SETD2: variants seen among roughly 807,000 people sequenced by gnomAD.
SETD2 encodes SET domain containing 2, histone lysine methyltransferase, also known as histone-lysine N-methyltransferase SETD2.
A neutral mutation model predicts 242.1 loss-of-function variants in SETD2; 31 were observed. The observed-to-expected ratio is 0.13, with a 90% CI of 0.10 to 0.17. The LOEUF is 0.17. SETD2 is among the 10% of genes least tolerant of loss of function. SETD2 has a pLI of 1.00. For synonymous variants in SETD2, 1,006 were observed against 1,066.5 expected (o/e 0.94, Z 1.11); for missense variants, 2,481 against 3,046.3 (o/e 0.81, Z 4.37).
At chr3:47,147,608 C>G (rs1290493311) in intron 1 of SETD2, among the ~76,000 whole-genome samples, 3 of 151,650 alleles carry the variant, frequency 2.0e-5, no homozygotes, top group Non-Finnish European at 2.9e-5. Flanking sequence ...GCCACTGTGC[C>G]CAGCCAGCAT....
intron 14 of SETD2, among the ~76,000 whole-genome samples, chr3:47,061,372 C>T (rs2040324435): frequency 6.6e-6 from 1 of 152,114 alleles, no homozygotes; most frequent in African/African-American, 2.4e-5. Context: ...TAAACCAACT[C>T]AACTTCAACA....
chr3:47,050,625 T>C (rs2039782763), intron 15 of SETD2, among the ~76,000 whole-genome samples: 1 of 150,720 alleles, frequency 6.6e-6, no homozygotes, highest in African/African-American at 2.4e-5. Flanking sequence ...ATATATAACG[T>C]AAATATTCCC....
intron 3 of SETD2, among the ~76,000 whole-genome samples, chr3:47,117,275 A>C (rs143448786): frequency 6.9e-4 from 96 of 139,222 alleles, no homozygotes; most frequent in Admixed American, 1.2e-3. Context: ...AAAAAAAAAA[A>C]AAAAACAAAC....
intron 17 of SETD2, chr3:47,041,307 T>C (rs2039266274): frequency 2.5e-6 from 1 of 404,924 alleles, no homozygotes; most frequent in Admixed American, 3.1e-5. Context: ...AAGTGGCCTG[T>C]GGGCATAGTT....
At chr3:47,049,882 GTATATAT>G (rs1468585221) in intron 15 of SETD2, among the ~76,000 whole-genome samples, 7 of 128,504 alleles carry the variant, frequency 5.4e-5, no homozygotes, top group Non-Finnish European at 1.1e-4. Flanking sequence ...TGAGTTTATA[GTATATAT>G]TATATATATA....
intron 1 of SETD2, among the ~76,000 whole-genome samples, chr3:47,159,909 A>C (rs1697438563): frequency 6.6e-6 from 1 of 150,920 alleles, no homozygotes; most frequent in South Asian, 2.1e-4. Context: ...CAGGGGGCAG[A>C]GGTTGCAGTG....
chr3:47,046,496 G>C lies in SETD2; in HGVS notation c.7089C>G (p.Pro2363=), dbSNP rs773181646. The C allele has an allele frequency of 1.9e-6, 3 of 1,597,820 alleles. No individual in the cohort carries two copies. Among genetic ancestry groups the C allele is most frequent in the Middle Eastern group, 3.3e-4 (2 of 6,004 alleles). The change falls in exon 16 of 21, where the codon CCC becomes CCG. Residue 2363 remains proline (P), a synonymous_variant. Coordinates refer to ENST00000409792, the MANE Select transcript of SETD2 (RefSeq NM_014159.7). ...TTIVAPGQPQ[P]LQPSEMVVTN... ...CTGAAACATTTCTTACTGGCTGCAA[G>C]GGCTGAGGCTGCCCTGGTGCAACTA...
chr3:47,077,766 G>A (rs1228702284), intron 12 of SETD2, among the ~76,000 whole-genome samples: 1 of 152,158 alleles, frequency 6.6e-6, no homozygotes, highest in African/African-American at 2.4e-5. Flanking sequence ...GGAAGGGACA[G>A]TACAAGATGA....
intron 17 of SETD2, among the ~76,000 whole-genome samples, chr3:47,038,080 A>T (rs1419632272): frequency 6.6e-6 from 1 of 152,192 alleles, no homozygotes; most frequent in Non-Finnish European, 1.5e-5. Context: ...TGTCATGCAA[A>T]TAAGACTGGG....
At chr3:47,106,143 TA>T in intron 5 of SETD2, 23 bp from the exon 6 acceptor site, 3 of 1,604,418 alleles carry the variant, frequency 1.9e-6, no homozygotes, top group Non-Finnish European at 2.6e-6. Context: ...AGGAAAAAAA[TA>T]GCACTTCCTA....
rs2038020958 is a variant in SETD2, at chr3:47,017,271, A to G, written c.7534-17T>C. The G allele has an allele frequency of 6.2e-7, 1 of 1,613,480 alleles. No individual in the cohort carries two copies. Among genetic ancestry groups the G allele is most frequent in the Non-Finnish European group, 8.5e-7 (1 of 1,179,582 alleles). ...GTGAGTCAGCTGTCCAGGGCACAGG[A>G]AGAGAGACCACAGCCACCAATCAGA... On this transcript the variant is annotated splice_polypyrimidine_tract_variant and intron_variant, in intron 20 of 20. Coordinates refer to ENST00000409792, the MANE Select transcript of SETD2 (RefSeq NM_014159.7). This position sits in a 1 kb window ranked among gnomAD's most constrained non-coding sequence, Gnocchi z 4.8.
chr3:47,023,876 T>C (rs2038351276), intron 18 of SETD2, among the ~76,000 whole-genome samples: 1 of 152,180 alleles, frequency 6.6e-6, no homozygotes, highest in Non-Finnish European at 1.5e-5. Context: ...GCATCCATGA[T>C]AGGGTGTCTT....
At chr3:47,080,749 G>C in intron 12 of SETD2, 1 of 971,178 alleles carries the variant, frequency 1.0e-6, no homozygotes, top group Non-Finnish European at 1.2e-6. Context: ...TGTAAGCCTT[G>C]TGGAGTCAAG....
At chr3:47,077,848 A>G (rs2041158734) in intron 12 of SETD2, among the ~76,000 whole-genome samples, 1 of 152,224 alleles carries the variant, frequency 6.6e-6, no homozygotes, top group South Asian at 2.1e-4. Flanking sequence ...CACAAAAGCC[A>G]ACATGAAAGG....
intron 10 of SETD2, among the ~76,000 whole-genome samples, chr3:47,087,528 C>T (rs1297051161): frequency 6.6e-6 from 1 of 152,186 alleles, no homozygotes; most frequent in Non-Finnish European, 1.5e-5. Flanking sequence ...CTCACCTCCT[C>T]CTGTGTGGCC....
intron 16 of SETD2, among the ~76,000 whole-genome samples, chr3:47,043,704 T>C (rs2039386107): frequency 6.6e-6 from 1 of 152,206 alleles, no homozygotes; most frequent in African/African-American, 2.4e-5. Flanking sequence ...ACACGGGTCT[T>C]TGAGCATTCT....
In SETD2 at chr3:47,120,328, T is replaced by C; in HGVS notation, c.4308A>G (p.Thr1436=). Residue 1436 remains threonine, a synonymous_variant, in exon 3 of 21, where the codon ACA becomes ACG. Coordinates refer to ENST00000409792, the MANE Select transcript of SETD2 (RefSeq NM_014159.7). ...CCAGTGCTGAACCTGGGGGCACTGA[T>C]GTCTCTCCCTGCTCTACCTCCACTC... ...KVRVEVEQGE[T]SVPPGSALVG... 1 of 1,613,950 alleles carries C rather than the reference T, an allele frequency of 6.2e-7. No individual in the cohort carries two copies.
At position 47,121,918 on chromosome 3, in the gene SETD2, T is replaced by C. The variant is rs774500085; in HGVS notation, c.2718A>G (p.Pro906=). The part of the protein sequence containing the change: ...TLLKCGENTS[P]VLDAVLKSKK... ...TACTCTTTAGCACTGCATCCAGAAC[T>C]GGAGATGTGTTCTCTCCGCATTTCA... Residue 906 remains proline, a synonymous_variant, in exon 3 of 21, where the codon CCA becomes CCG. Transcript: ENST00000409792. 6.2e-7 allele frequency: 1 copy of C among 1,613,988 alleles called. No individual in the cohort carries two copies. The highest frequency in any genetic ancestry group is 1.1e-5 in the South Asian group (1 of 91,084).
intron 1 of SETD2, among the ~76,000 whole-genome samples, chr3:47,157,873 C>CAA (rs1249370994): frequency 8.6e-6 from 1 of 116,754 alleles, no homozygotes; most frequent in Non-Finnish European, 1.8e-5. Context: ...AACTCCATCT[C>CAA]AAAAAAAAAA....
Sources: allele counts gnomAD v4.1 joint callset (sites outside exome capture counted in the v4.1 genomes callset), GRCh38; gene constraint gnomAD v4.1.1; non-coding constraint Gnocchi (gnomAD v3.1); transcripts MANE v1.5; gene names NCBI Gene and HGNC (gene_info 2026-07-23, HGNC 2026-07-21).